The following PCDH11X variants were observed in gnomAD, a reference collection of about 807,000 sequenced individuals.
PCDH11X encodes the protein protocadherin 11 X-linked, also known as protocadherin-11 X-linked.
A neutral mutation model predicts 53.3 loss-of-function variants in PCDH11X; 18 were observed. The ratio of observed to expected loss-of-function variants is 0.34; its 90% confidence interval spans 0.23 to 0.50. The LOEUF (loss-of-function observed/expected upper bound fraction) is 0.50. Among genes scored for constraint, PCDH11X ranks in the 20% least tolerant of loss-of-function variants. The pLI is 0.98. For synonymous variants in PCDH11X, 279 were observed against 393.3 expected (o/e 0.71, Z 3.44); for missense variants, 570 against 1,032.4 (o/e 0.55, Z 6.14).
chrX:92,177,434 G>T (rs2065928006), intron 6 of PCDH11X, among the ~76,000 whole-genome samples: 1 of 111,654 alleles, frequency 9.0e-6, no homozygotes, highest in Non-Finnish European at 1.9e-5. Flanking sequence ...TATCACAAAA[G>T]CTTCTGTGGG....
intron 5 of PCDH11X, among the ~76,000 whole-genome samples, chrX:91,855,622 A>ATGT (rs1347920472): frequency 1.3e-4 from 14 of 109,944 alleles, no homozygotes; most frequent in African/African-American, 4.4e-4. Flanking sequence ...GATTCTTCTA[A>ATGT]TCTATGAACA....
intron 6 of PCDH11X, among the ~76,000 whole-genome samples, chrX:92,158,216 AAAAAC>A (rs1210787593): frequency 6.3e-5 from 7 of 111,738 alleles, no homozygotes; most frequent in Admixed American, 9.6e-5. Flanking sequence ...GACTCTTTCT[AAAAAC>A]AAAACAAAAC....
intron 4 of PCDH11X, among the ~76,000 whole-genome samples, chrX:91,834,252 G>A (rs1937216520): frequency 9.0e-6 from 1 of 111,135 alleles, no homozygotes. Flanking sequence ...AATAAGAATT[G>A]AGAATTACGA....
chrX:92,194,639 C>T (rs12012122), intron 6 of PCDH11X, among the ~76,000 whole-genome samples: 5,752 of 108,085 alleles, frequency 0.053, 251 homozygotes, highest in East Asian at 0.19. Context: ...GCTAAGACTA[C>T]ATATATATCA....
rs753641842 is a variant in PCDH11X at position 91,827,937 on chromosome X, C to T, written c.-44-7524C>T. ...GACTATTTGGGGTCTTTTTTTGTTC[C>T]ATATGAATTTTAACATAGTTTTTTT... On this transcript the variant is annotated intron_variant, in intron 4 of 10. Transcript: ENST00000682573. 2.6e-3 allele frequency among the ~76,000 whole-genome samples: 276 copies of T among 107,712 alleles called. 2 individuals carry two copies. The highest frequency in any genetic ancestry group is 9.2e-3 in the African/African-American group (272 of 29,498). The allele number at this position is 107,712 out of a possible 115,157, so 93.5% of individuals were successfully genotyped here. A position where few individuals can be genotyped will look rare whatever the true frequency, so the allele number is the denominator to read the frequency against.
intron 6 of PCDH11X, among the ~76,000 whole-genome samples, chrX:92,074,341 G>T (rs1382208010): frequency 9.1e-6 from 1 of 110,409 alleles, no homozygotes; most frequent in Admixed American, 9.7e-5. Flanking sequence ...CAGATTAAAA[G>T]ATACGATTCA....
rs34144803 is a variant in PCDH11X at position 92,387,526 on chromosome X, C to G, written c.3145-209C>G. 287 of 528,257 alleles carry G rather than the reference C, an allele frequency of 5.4e-4. No individual in the cohort carries two copies. In the African/African-American group the frequency reaches 6.9e-3, roughly 13 times the overall value. The allele number at this position is 528,257 out of a possible 1,213,427, so 43.5% of individuals were successfully genotyped here. On this transcript the variant is annotated intron_variant, in intron 8 of 10. Coordinates refer to ENST00000682573, the MANE Select transcript of PCDH11X (RefSeq NM_032968.5). ...TTCTGCATCTGGCTGTGCCTTGTTT[C>G]GAAATATAATGGAAGCAACACTGCC... is the stretch of plus-strand genomic sequence containing the variant.
At chrX:92,032,293 G>A (rs189056748) in intron 6 of PCDH11X, among the ~76,000 whole-genome samples, 2,350 of 110,964 alleles carry the variant, frequency 0.021, 54 homozygotes, top group African/African-American at 0.073. Flanking sequence ...GTCACTGCTA[G>A]CATATAGAAA....
At chrX:92,206,243 C>T (rs2066473856) in intron 7 of PCDH11X, among the ~76,000 whole-genome samples, 1 of 111,084 alleles carries the variant, frequency 9.0e-6, no homozygotes, top group African/African-American at 3.3e-5. Flanking sequence ...TTGTGCTTAC[C>T]CCTGAAAAGC....
chrX:92,341,338 A>G (rs1204871965), intron 8 of PCDH11X, among the ~76,000 whole-genome samples: 1 of 111,262 alleles, frequency 9.0e-6, no homozygotes, highest in African/African-American at 3.3e-5. Flanking sequence ...TTCAGTTCCA[A>G]TGTCGCTTCC....
At chrX:91,852,762 C>A (rs1275036853) in intron 5 of PCDH11X, among the ~76,000 whole-genome samples, 1 of 110,550 alleles carries the variant, frequency 9.0e-6, no homozygotes, top group Non-Finnish European at 1.9e-5. Context: ...CACTCTCTTG[C>A]CCAATTGTGA....
In PCDH11X at chrX:92,172,140, G is replaced by C. The variant is rs773065443; in HGVS notation, c.3034-29235G>C. Among the ~76,000 whole-genome samples, 5 of 109,809 alleles carry C rather than the reference G, an allele frequency of 4.6e-5. No individual in the cohort carries two copies. The South Asian group carries it at 2.0e-3, about 43-fold the overall frequency. ...TGGATGCTGTTCATTTCTTTTTCTT[G>C]CTTGATTGTCCTAGCTAGAACCTCC... On this transcript the variant is annotated intron_variant, in intron 6 of 10. Coordinates refer to ENST00000682573, the MANE Select transcript of PCDH11X (RefSeq NM_032968.5).
chrX:92,320,858 G>A (rs2069184857), intron 8 of PCDH11X, among the ~76,000 whole-genome samples: 1 of 110,587 alleles, frequency 9.0e-6, no homozygotes, highest in African/African-American at 3.3e-5. Context: ...TATTCAACAG[G>A]TTACAGGAGG....
chrX:92,481,320 A>C (rs1280065758), intron 10 of PCDH11X, among the ~76,000 whole-genome samples: 6 of 108,829 alleles, frequency 5.5e-5, no homozygotes, highest in African/African-American at 2.0e-4. Context: ...CACACCCCAC[A>C]CACACACACA....
intron 6 of PCDH11X, among the ~76,000 whole-genome samples, chrX:92,084,904 C>T (rs2063925409): frequency 9.0e-6 from 1 of 110,559 alleles, no homozygotes; most frequent in African/African-American, 3.3e-5. Context: ...TCATCACAGG[C>T]TTCTTTATTG....
At chrX:91,986,649 C>T (rs763567252) in intron 6 of PCDH11X, among the ~76,000 whole-genome samples, 1 of 108,505 alleles carries the variant, frequency 9.2e-6, no homozygotes, top group Admixed American at 9.9e-5. Context: ...TTCCTCCATC[C>T]TCAAAGCGAC....
At chrX:91,901,308 A>T (rs1940944734) in intron 6 of PCDH11X, among the ~76,000 whole-genome samples, 1 of 110,918 alleles carries the variant, frequency 9.0e-6, no homozygotes, top group Non-Finnish European at 1.9e-5. Flanking sequence ...CAAAACTAGG[A>T]GACTGAGTTT....
At chrX:92,181,413 A>G (rs920294391) in intron 6 of PCDH11X, among the ~76,000 whole-genome samples, 1 of 112,027 alleles carries the variant, frequency 8.9e-6, no homozygotes, top group African/African-American at 3.2e-5. Context: ...TGACAATGTG[A>G]TAGGAAAGAA....
chrX:92,519,606 C>T (rs768355605), intron 10 of PCDH11X, among the ~76,000 whole-genome samples: 11 of 110,382 alleles, frequency 1.0e-4, no homozygotes, highest in Admixed American at 2.9e-4. Context: ...ATCATAGTGA[C>T]GTCGTATTCT....
Sources: gnomAD v4.1 joint callset for allele counts (sites outside exome capture counted in the v4.1 genomes callset) on GRCh38, gnomAD v4.1.1 for gene constraint, MANE v1.5 for transcripts, NCBI Gene and HGNC (gene_info 2026-07-23, HGNC 2026-07-21) for gene names.